Variants in CFAP61 observed in about 807,000 individuals in gnomAD.
CFAP61 encodes the protein cilia and flagella associated protein 61, also known as cilia- and flagella-associated protein 61.
A neutral mutation model predicts 135.6 loss-of-function variants in CFAP61; 107 were observed. That is an observed-to-expected ratio of 0.79 (90% CI 0.67 to 0.93). The LOEUF is 0.93. CFAP61 is among the 40% of genes least tolerant of loss of function. The probability of loss-of-function intolerance (pLI) is 0.00; values close to 1 mark genes in which losing one functional copy is unlikely to be tolerated. For synonymous variants in CFAP61, 575 were observed against 578.5 expected, an observed-to-expected ratio of 0.99 and a Z score of 0.09; for missense variants, 1,507 against 1,556.2, an observed-to-expected ratio of 0.97 and a Z score of 0.53.
At chr20:20,137,288 A>G (rs564300555) in intron 8 of CFAP61, among the ~76,000 whole-genome samples, 129 of 152,236 alleles carry the variant, frequency 8.5e-4, no homozygotes, top group Non-Finnish European at 1.4e-3. Flanking sequence ...GGGCTCTGCA[A>G]TCAGCAGGTG....
chr20:20,350,691 A>G (rs998584392), intron 26 of CFAP61, among the ~76,000 whole-genome samples: 2 of 152,246 alleles, frequency 1.3e-5, no homozygotes, highest in Non-Finnish European at 2.9e-5. Context: ...TTGCTTGTAC[A>G]AGAACATTCA....
At chr20:20,277,992 A>G (rs2053903981) in intron 22 of CFAP61, among the ~76,000 whole-genome samples, 1 of 152,184 alleles carries the variant, frequency 6.6e-6, no homozygotes, top group Non-Finnish European at 1.5e-5. Flanking sequence ...ATCAAGCAGC[A>G]TTCCTCCCAC....
chr20:20,238,878 A>T (rs1278924466), intron 18 of CFAP61, among the ~76,000 whole-genome samples: 2 of 152,018 alleles, frequency 1.3e-5, no homozygotes, highest in African/African-American at 4.8e-5. Flanking sequence ...GCAACGTGAA[A>T]TCCCCACTGG....
intron 25 of CFAP61, among the ~76,000 whole-genome samples, chr20:20,304,289 TGTGTGTGTGTGTGTGAGAGAGAGA>T (rs923033636): frequency 6.7e-6 from 1 of 149,246 alleles, no homozygotes; most frequent in African/African-American, 2.5e-5. Context: ...TGTGTGTGTG[TGTGTGTGTGTGTGTGAGAGAGAGA>T]GAGAGAGAGA....
chr20:20,318,410 A>G (rs572540780), intron 25 of CFAP61, among the ~76,000 whole-genome samples: 1 of 152,326 alleles, frequency 6.6e-6, no homozygotes, highest in South Asian at 2.1e-4. Flanking sequence ...CTTGGTCATA[A>G]GCATTAGTCA....
rs189751075 is a variant in CFAP61, at chr20:20,305,914, A to G, written c.3422+7528A>G. On this transcript the variant is annotated intron_variant, in intron 25 of 26. Coordinates refer to ENST00000245957, the MANE Select transcript of CFAP61 (RefSeq NM_015585.4). ...AGAGATGTTTCTGCTACTATTCCAGAGGCCACGAGGCCAAACTCAAATTTT... is the reference window on the plus strand; with the variant it reads ...AGAGATGTTTCTGCTACTATTCCAGGGGCCACGAGGCCAAACTCAAATTTT... Among the ~76,000 whole-genome samples, 207 of 152,326 alleles carry G rather than the reference A, an allele frequency of 1.4e-3. 3 individuals carry two copies. The highest frequency in any genetic ancestry group is 5.6e-4 in the Non-Finnish European group (38 of 68,038).
rs1189711268 is a variant in CFAP61, at chr20:20,277,401, C to G, written c.2739C>G (p.Asp913Glu). ...AGTGGAATGACGGCCTGCACCCAGA[C>G]CCCATCTACAGCGCCTCCTTCACCA... ...LAQWNDGLHP[D>E]PIYSASFTTP... Residue 913 changes from aspartate to glutamate, a missense_variant, in exon 22 of 27, where the codon GAC becomes GAG. Coordinates refer to ENST00000245957, the MANE Select transcript of CFAP61 (RefSeq NM_015585.4). 6.2e-7 allele frequency: 1 copy of G among 1,614,124 alleles called. No individual in the cohort carries two copies. The highest frequency in any genetic ancestry group is 1.7e-5 in the Admixed American group (1 of 60,014).
At chr20:20,135,183 G>A (rs1183654005) in intron 8 of CFAP61, among the ~76,000 whole-genome samples, 2 of 152,158 alleles carry the variant, frequency 1.3e-5, no homozygotes, top group African/African-American at 4.8e-5. Context: ...AAAGCCAACA[G>A]AAACTGGAAG....
intron 17 of CFAP61, chr20:20,221,656 A>T (rs1421013662): frequency 6.6e-6 from 1 of 151,960 alleles, no homozygotes; most frequent in Non-Finnish European, 1.5e-5. Flanking sequence ...ATGTGGAAAA[A>T]TTTTTTTGCA....
At chr20:20,341,755 C>A (rs2058451557) in intron 25 of CFAP61, 76 bp from the exon 26 acceptor site, 2 of 1,042,512 alleles carry the variant, frequency 1.9e-6, no homozygotes, top group Non-Finnish European at 2.9e-6. Flanking sequence ...TTTATAAAGG[C>A]AAAAAAGCAG....
At chr20:20,340,960 C>T (rs2058421983) in intron 25 of CFAP61, among the ~76,000 whole-genome samples, 1 of 152,116 alleles carries the variant, frequency 6.6e-6, no homozygotes, top group African/African-American at 2.4e-5. Flanking sequence ...CCCTGGGACA[C>T]TTTACCTCCA....
intron 24 of CFAP61, among the ~76,000 whole-genome samples, chr20:20,292,546 T>C (rs561134530): frequency 3.8e-4 from 58 of 152,348 alleles, no homozygotes; most frequent in South Asian, 2.3e-3. Context: ...AGATTGTCTC[T>C]GCTCCACACT....
chr20:20,062,838 A>G (rs1169530536), intron 2 of CFAP61, among the ~76,000 whole-genome samples: 2 of 152,236 alleles, frequency 1.3e-5, no homozygotes, highest in African/African-American at 4.8e-5. Flanking sequence ...GATTTTCCAT[A>G]ATTACACACG....
intron 16 of CFAP61, 124 bp from the exon 17 acceptor site, chr20:20,199,644 A>AC (rs2056500617): frequency 1.2e-6 from 1 of 829,856 alleles, no homozygotes. Flanking sequence ...TTATTTGCTG[A>AC]TTTTTTTTTT....
intron 25 of CFAP61, among the ~76,000 whole-genome samples, chr20:20,337,294 A>G (rs1246627788): frequency 1.7e-5 from 1 of 57,600 alleles, no homozygotes; most frequent in Non-Finnish European, 3.6e-5. Flanking sequence ...GGATGGATAG[A>G]TGGATGGATG....
intron 17 of CFAP61, among the ~76,000 whole-genome samples, chr20:20,210,119 C>G (rs2047526582): frequency 6.6e-6 from 1 of 152,212 alleles, no homozygotes; most frequent in Non-Finnish European, 1.5e-5. Context: ...GCCATCTCCA[C>G]TGGACTCTTC....
chr20:20,052,547 C>G lies in CFAP61; in HGVS notation c.-81C>G. On this transcript the variant is annotated 5_prime_UTR_variant, in exon 1 of 27. Coordinates refer to ENST00000245957, the MANE Select transcript of CFAP61 (RefSeq NM_015585.4). ...CATGGTGACCAGGCTGCGCGTCCTC[C>G]TTGCGGCAGCGCGTGGAGTGCGGCG... The G allele has an allele frequency of 6.2e-7, 1 of 1,614,174 alleles. No individual in the cohort carries two copies. The highest frequency in any genetic ancestry group is 8.5e-7 in the Non-Finnish European group (1 of 1,180,006).
At chr20:20,095,353 C>T (rs1338714700) in intron 7 of CFAP61, among the ~76,000 whole-genome samples, 4 of 152,226 alleles carry the variant, frequency 2.6e-5, no homozygotes, top group Non-Finnish European at 5.9e-5. Flanking sequence ...AAGGCAACCA[C>T]TGTCAACCAG....
intron 17 of CFAP61, among the ~76,000 whole-genome samples, chr20:20,219,885 A>G (rs2048282640): frequency 6.6e-6 from 1 of 152,204 alleles, no homozygotes; most frequent in African/African-American, 2.4e-5. Flanking sequence ...CCTAAATGAT[A>G]AAAGCAACAG....
Sources: allele counts gnomAD v4.1 joint callset (sites outside exome capture counted in the v4.1 genomes callset), GRCh38; gene constraint gnomAD v4.1.1; transcripts MANE v1.5; gene names NCBI Gene and HGNC (gene_info 2026-07-23, HGNC 2026-07-21).